MYH14: variants seen among roughly 807,000 people sequenced by gnomAD.
MYH14 encodes myosin-14.
Under a neutral mutation model 255.5 loss-of-function variants are expected in MYH14, and 123 were observed. That is an observed-to-expected ratio of 0.48 (90% CI 0.42 to 0.56). The LOEUF is 0.56. Ranked by LOEUF, MYH14 falls within the 20% of genes least tolerant of loss-of-function variation. MYH14 has a pLI of 0.00. For synonymous variants in MYH14, 1,095 were observed against 1,161.2 expected, an observed-to-expected ratio of 0.94 and a Z score of 1.16; for missense variants, 2,423 against 2,802.3, an observed-to-expected ratio of 0.86 and a Z score of 3.06.
intron 10 of MYH14, among the ~76,000 whole-genome samples, chr19:50,236,401 A>G (rs1165237301): frequency 6.6e-6 from 1 of 151,796 alleles, no homozygotes; most frequent in African/African-American, 2.4e-5. Flanking sequence ...ACAGACCTGT[A>G]GGTTCAATTC....
Position 50,276,017 on chromosome 19 carries a change from C to A in MYH14, c.3494C>A (p.Ala1165Asp). 6.2e-7 allele frequency: 1 copy of A among 1,612,866 alleles called. No individual in the cohort carries two copies. The highest frequency in any genetic ancestry group is 8.5e-7 in the Non-Finnish European group (1 of 1,179,640). The change falls in exon 28 of 43, where the codon GCC (alanine) becomes GAC (aspartate). Residue 1165 changes from alanine (A) to aspartate (D), a missense_variant. By Grantham distance (126) the Ala-to-Asp change is moderately radical. Around this residue, in one of 3 missense-constraint regions of MYH14, gnomAD observed 1,513 missense variants for 1,674.8 expected, o/e 0.90. Coordinates refer to ENST00000642316, the MANE Select transcript of MYH14 (RefSeq NM_001145809.2). This position sits in a 1 kb window ranked among gnomAD's most constrained non-coding sequence, Gnocchi z 4.3. ...GCAGAAGACGAGGGTGGGGCCCGGG[C>A]CCAGCTGCTGAAATCCCTGCGGGAG... ...ARAEDEGGAR[A>D]QLLKSLREAQ...
At chr19:50,235,516 A>C (rs2033621261) in intron 10 of MYH14, among the ~76,000 whole-genome samples, 1 of 151,258 alleles carries the variant, frequency 6.6e-6, no homozygotes, top group African/African-American at 2.4e-5. Flanking sequence ...TCATTGGCTC[A>C]CTCCTGTAAT....
chr19:50,215,732 T>C (rs1462910386), intron 2 of MYH14, among the ~76,000 whole-genome samples: 1 of 152,050 alleles, frequency 6.6e-6, no homozygotes, highest in African/African-American at 2.4e-5. Flanking sequence ...GGTGGGAGGA[T>C]TGTTTGAGCC....
At chr19:50,268,418 C>T in intron 24 of MYH14, 51 bp downstream of exon 24, 3 of 1,513,230 alleles carry the variant, frequency 2.0e-6, no homozygotes, top group Non-Finnish European at 2.7e-6. Context: ...CCTCTGTCTA[C>T]ACCATCCACC....
At chr19:50,303,616 G>T (rs1453188407) in intron 40 of MYH14, among the ~76,000 whole-genome samples, 1 of 149,382 alleles carries the variant, frequency 6.7e-6, no homozygotes, top group East Asian at 1.9e-4. Context: ...TGAGAACTGG[G>T]ACCATCTGTT....
intron 22 of MYH14, among the ~76,000 whole-genome samples, chr19:50,264,332 G>C (rs2035005286): frequency 6.6e-6 from 1 of 152,146 alleles, no homozygotes; most frequent in Non-Finnish European, 1.5e-5. Context: ...TCAGTCTCCA[G>C]CCCCTCCAGA....
chr19:50,249,885 C>T (rs1296761084), intron 14 of MYH14, 62 bp downstream of exon 14: 7 of 1,589,158 alleles, frequency 4.4e-6, no homozygotes, highest in East Asian at 2.2e-5. Flanking sequence ...CCAGCATCTG[C>T]GAGACCAGGG....
At chr19:50,207,575 C>T (rs531559080) in intron 1 of MYH14, among the ~76,000 whole-genome samples, 13 of 152,186 alleles carry the variant, frequency 8.5e-5, no homozygotes, top group South Asian at 2.1e-4. Context: ...CCACTCGGGG[C>T]GGAGTCTCGT....
chr19:50,305,212 T>C (rs2036615519), intron 40 of MYH14, among the ~76,000 whole-genome samples: 1 of 151,556 alleles, frequency 6.6e-6, no homozygotes, highest in Non-Finnish European at 1.5e-5. Flanking sequence ...CTGGGAGGTT[T>C]GGAAGGAGTC....
chr19:50,304,883 G>A (rs1313881562), intron 40 of MYH14, among the ~76,000 whole-genome samples: 1 of 152,182 alleles, frequency 6.6e-6, no homozygotes, highest in Non-Finnish European at 1.5e-5. Flanking sequence ...GATTTCCAGG[G>A]CTTAGAGTCC....
At position 50,261,636 on chromosome 19, in the gene MYH14, G is replaced by A. The variant is rs1221166447; in HGVS notation, c.2585+1G>A. 1 of 1,593,206 alleles carries A rather than the reference G, an allele frequency of 6.3e-7. No individual in the cohort carries two copies. The highest frequency in any genetic ancestry group is 1.4e-5 in the African/African-American group (1 of 73,700). ...CTGCCCGGGGATACCTGGCTCGCAG[G>A]TGGGCAGCCACGCTGTCTCCCGGGG... On this transcript the variant is annotated splice_donor_variant, in intron 21 of 42. Transcript: ENST00000642316. LOFTEE classifies it high-confidence loss of function.
At position 50,278,193 on chromosome 19, in the gene MYH14, GCGC is replaced by G; in HGVS notation, c.3941_3943del (p.Arg1314del). 4.3e-6 allele frequency: 7 copies of G among 1,611,070 alleles called. No individual in the cohort carries two copies. Among genetic ancestry groups the G allele is most frequent in the Non-Finnish European group, 5.9e-6 (7 of 1,178,816 alleles). On this transcript the variant is annotated inframe_deletion, in exon 30 of 43. Coordinates refer to ENST00000642316, the MANE Select transcript of MYH14 (RefSeq NM_001145809.2). Reference sequence around the variant, plus strand: ...CACGTCAGGAGGGTGAGCAGCGGAGGCGCCGCCTGGAGTTACAGCTGCAGGAGG... The same window carrying G: ...CACGTCAGGAGGGTGAGCAGCGGAGGCGCCTGGAGTTACAGCTGCAGGAGG...
At chr19:50,257,268 T>TTC (rs763157289) in intron 17 of MYH14, 31 bp from the exon 18 acceptor site, 118 of 1,539,464 alleles carry the variant, frequency 7.7e-5, no homozygotes, top group South Asian at 2.9e-4. Flanking sequence ...CCTGACCTCC[T>TTC]TCTCTCTCTC....
chr19:50,266,373 C>T lies in MYH14; in HGVS notation c.2695-504C>T, dbSNP rs979236389. Among the ~76,000 whole-genome samples the T allele has an allele frequency of 6.6e-6, 1 of 152,124 alleles. No individual in the cohort carries two copies. Among genetic ancestry groups the T allele is most frequent in the Admixed American group, 6.6e-5 (1 of 15,266 alleles). The stretch of plus-strand genomic sequence containing the variant: ...GCCGGGAGTTGGAGACCAGCCTGGC[C>T]AACATAGCGAAACCCTCTCTACTGA... On this transcript the variant is annotated intron_variant, in intron 22 of 42. Transcript: ENST00000642316. The surrounding 1 kb of genome is among the most constrained non-coding windows in gnomAD (Gnocchi z 4.1).
chr19:50,219,558 T>C, intron 3 of MYH14, among the ~76,000 whole-genome samples: 1 of 152,194 alleles, frequency 6.6e-6, no homozygotes, highest in East Asian at 1.9e-4. Context: ...AACATTTCCC[T>C]TGAGACAGTA....
At chr19:50,285,054 A>G (rs1224860595) in intron 33 of MYH14, 1 of 150,066 alleles carries the variant, frequency 6.7e-6, no homozygotes, top group Admixed American at 6.7e-5. Context: ...GCGCCACCAC[A>G]CCTGGCTAAT....
intron 19 of MYH14, among the ~76,000 whole-genome samples, chr19:50,259,658 C>T (rs964080325): frequency 6.6e-6 from 1 of 152,160 alleles, no homozygotes; most frequent in African/African-American, 2.4e-5. Flanking sequence ...GCAGACAGAT[C>T]ACCTGAGGTC....
Position 50,232,159 on chromosome 19 carries a change from A to G in MYH14, c.1114+89A>G, listed in dbSNP as rs187393017. ...ATTCATGCCCCGATCTCTTTGAGCAAGTGTTTATTGAGCACCTACTGGGTG... is the reference window on the plus strand; with the variant it reads ...ATTCATGCCCCGATCTCTTTGAGCAGGTGTTTATTGAGCACCTACTGGGTG... On this transcript the variant is annotated intron_variant, in intron 10 of 42. Transcript: ENST00000642316. 4.2e-5 allele frequency: 65 copies of G among 1,534,586 alleles called. No homozygotes were observed. In the African/African-American group the frequency reaches 7.3e-4, roughly 17 times the overall value.
chr19:50,253,768 T>C (rs1397013601), intron 16 of MYH14, among the ~76,000 whole-genome samples: 1 of 152,152 alleles, frequency 6.6e-6, no homozygotes, highest in Non-Finnish European at 1.5e-5. Flanking sequence ...CCCCCCATCC[T>C]TAGAGGAGGT....
Sources: allele counts gnomAD v4.1 joint callset (sites outside exome capture counted in the v4.1 genomes callset), GRCh38; gene constraint gnomAD v4.1.1; regional missense constraint gnomAD v4.1.1; non-coding constraint Gnocchi (gnomAD v3.1); transcripts MANE v1.5; gene names NCBI Gene and HGNC (gene_info 2026-07-23, HGNC 2026-07-21).